KIF1A: variants seen among roughly 807,000 people sequenced by gnomAD.
KIF1A encodes the protein kinesin-like protein KIF1A.
Under a neutral mutation model 227.3 loss-of-function variants are expected in KIF1A, and 46 were observed. The ratio of observed to expected loss-of-function variants is 0.20; its 90% CI spans 0.16 to 0.26. KIF1A has a LOEUF of 0.26. Among genes scored for constraint, KIF1A ranks in the 10% least tolerant of loss-of-function variants. The pLI is 1.00. For missense variants in KIF1A, 1,683 were observed against 2,485.9 expected, an observed-to-expected ratio of 0.68 and a Z score of 6.87; for synonymous variants, 1,022 against 1,012.8, an observed-to-expected ratio of 1.01 and a Z score of -0.17.
chr2:240,779,348 ACT>A lies in KIF1A; in HGVS notation c.882+3240_882+3241del, dbSNP rs1450757260. 1.4e-5 allele frequency among the ~76,000 whole-genome samples: 2 copies of A among 140,092 alleles called. 1 individual carries two copies. The highest frequency in any genetic ancestry group is 6.0e-5 in the African/African-American group (2 of 33,062). 91.9% of individuals were successfully genotyped at this position (140,092 alleles called of 152,430 possible). ...CTCACTCAGTTCCTCATAGTTCCAC[ACT>A]CAGTTCCTCACTCAGTTCCTCACTC... On this transcript the variant is annotated intron_variant, in intron 10 of 48. Coordinates refer to ENST00000498729, the MANE Select transcript of KIF1A (RefSeq NM_001244008.2).
At chr2:240,719,227 G>A (rs1200536948) in intron 46 of KIF1A, 29 bp from the exon 47 acceptor site, 4 of 1,580,758 alleles carry the variant, frequency 2.5e-6, no homozygotes, top group Non-Finnish European at 3.4e-6. Context: ...GCTCGCTGGG[G>A]CCCTCGGTGG....
intron 38 of KIF1A, among the ~76,000 whole-genome samples, chr2:240,735,742 C>T (rs527471526): frequency 2.4e-4 from 37 of 152,320 alleles, no homozygotes; most frequent in Admixed American, 2.0e-3. Flanking sequence ...ATTCTCATGG[C>T]GGCAGGAGAA....
chr2:240,726,893 G>C lies in KIF1A; in HGVS notation c.4055C>G (p.Ser1352Cys), dbSNP rs1559480382. 1 of 1,612,698 alleles carries C rather than the reference G, an allele frequency of 6.2e-7. No individual in the cohort carries two copies. The change falls in exon 39 of 49, where the codon TCT becomes TGT. Residue 1352 changes from serine (S) to cysteine (C), a missense_variant. Physicochemically the swap from Ser to Cys is moderately radical, Grantham distance 112. Around this residue, in one of 12 missense-constraint regions of KIF1A, gnomAD observed 759 missense variants for 1,020.2 expected, o/e 0.74. Transcript: ENST00000498729. The surrounding 1 kb of genome is among the most constrained non-coding windows in gnomAD (Gnocchi z 5.2). ...AGGGGTGACCCGGTTCAGCAGGAGAGAGTTGTGCATGGAGCTGTCCCACGC... is the reference window on the plus strand; with the variant it reads ...AGGGGTGACCCGGTTCAGCAGGAGACAGTTGTGCATGGAGCTGTCCCACGC... ...EAAWDSSMHN[S>C]LLLNRVTPYR...
At chr2:240,785,798 C>T (rs994988165) in intron 6 of KIF1A, among the ~76,000 whole-genome samples, 2 of 152,194 alleles carry the variant, frequency 1.3e-5, no homozygotes, top group African/African-American at 4.8e-5. Context: ...TGACTCACGA[C>T]CTCAGGAGCT....
At chr2:240,776,694 T>C (rs1384190284) in intron 10 of KIF1A, among the ~76,000 whole-genome samples, 3 of 152,252 alleles carry the variant, frequency 2.0e-5, no homozygotes, top group Non-Finnish European at 4.4e-5. Flanking sequence ...CATTGGCTTA[T>C]GAAGCATTTC....
chr2:240,797,092 C>T (rs901007110), intron 2 of KIF1A, among the ~76,000 whole-genome samples: 1 of 152,214 alleles, frequency 6.6e-6, no homozygotes, highest in Admixed American at 6.5e-5. Flanking sequence ...GGCCCCAGCA[C>T]AAACTGCCCC....
Position 240,747,353 on chromosome 2 carries a change from C to T in KIF1A, c.2978-32G>A, listed in dbSNP as rs375815477. The T allele has an allele frequency of 5.1e-6, 8 of 1,580,926 alleles. No homozygotes were observed. In the Admixed American group the frequency reaches 1.3e-4, roughly 27 times the overall value. On this transcript the variant is annotated intron_variant, in intron 28 of 48. Coordinates refer to ENST00000498729, the MANE Select transcript of KIF1A (RefSeq NM_001244008.2). ...GAGAAACAGAGCAAATGGTTGGAGC[C>T]CAGCTTGTCCCCTGAGGTGGGTGTG...
intron 29 of KIF1A, 33 bp downstream of exon 29, chr2:240,747,203 T>C (rs2048705673): frequency 6.4e-7 from 1 of 1,562,224 alleles, no homozygotes; most frequent in Non-Finnish European, 8.8e-7. Flanking sequence ...GCCAGGCACC[T>C]CCAGGTCTGG....
intron 34 of KIF1A, among the ~76,000 whole-genome samples, chr2:240,742,532 A>G (rs1451986326): frequency 6.6e-6 from 1 of 152,018 alleles, no homozygotes; most frequent in East Asian, 1.9e-4. Context: ...GCTCTGACAA[A>G]TACTTCTCCC....
rs1167417315 is a variant in KIF1A at position 240,745,884 on chromosome 2, TAGG to T, written c.3225_3227del (p.Leu1076del). 19 of 1,608,080 alleles carry T rather than the reference TAGG, an allele frequency of 1.2e-5. No homozygotes were observed. Among genetic ancestry groups the T allele is most frequent in the Non-Finnish European group, 1.6e-5 (19 of 1,176,452 alleles). Reference sequence around the variant, plus strand: ...CCAGGGCGGCTTTCTCAGAGCTGTCTAGGAGGAGGCCTTCTGGGGGCACTGCTG... The same window carrying T: ...CCAGGGCGGCTTTCTCAGAGCTGTCTAGGAGGCCTTCTGGGGGCACTGCTG... On this transcript the variant is annotated inframe_deletion, in exon 31 of 49. Transcript: ENST00000498729.
At chr2:240,782,033 C>G (rs966983706) in intron 10 of KIF1A, 66 of 985,298 alleles carry the variant, frequency 6.7e-5, no homozygotes, top group Non-Finnish European at 7.7e-5. Context: ...CACGCATTCC[C>G]ACGCTGGCTC....
At chr2:240,813,544 T>C (rs753999117) in intron 1 of KIF1A, among the ~76,000 whole-genome samples, 1 of 152,168 alleles carries the variant, frequency 6.6e-6, no homozygotes, top group African/African-American at 2.4e-5. Context: ...GCTTTCTCCA[T>C]AGCAGGAGTG....
chr2:240,735,322 G>A (rs1442859417), intron 38 of KIF1A, among the ~76,000 whole-genome samples: 1 of 152,214 alleles, frequency 6.6e-6, no homozygotes, highest in Non-Finnish European at 1.5e-5. Context: ...CAGGGTGTGG[G>A]GCCAAAGCCC....
At position 240,771,545 on chromosome 2, in the gene KIF1A, C is replaced by T. The variant is rs189959927; in HGVS notation, c.1208-441G>A. Among the ~76,000 whole-genome samples the T allele has an allele frequency of 4.3e-4, 65 of 152,292 alleles. No homozygotes were observed. The East Asian group carries it at 9.3e-3, about 22-fold the overall frequency. On this transcript the variant is annotated intron_variant, in intron 14 of 48. Transcript: ENST00000498729. ...GCCAGGCCACCCTACAGCCCCCACA[C>T]CTGAGGGCTGGGAGCCAGTCCTCCC...
intron 1 of KIF1A, among the ~76,000 whole-genome samples, chr2:240,807,016 T>C (rs2057452343): frequency 6.6e-6 from 1 of 151,832 alleles, no homozygotes; most frequent in Non-Finnish European, 1.5e-5. Flanking sequence ...AATCCACAGA[T>C]GCTCAAGTCC....
At chr2:240,769,543 G>A in intron 16 of KIF1A, 84 bp downstream of exon 16, 1 of 1,151,822 alleles carries the variant, frequency 8.7e-7, no homozygotes, top group Non-Finnish European at 1.3e-6. Context: ...GCACTGGAGG[G>A]CAGGGCTCAG....
Position 240,736,296 on chromosome 2 carries a change from G to A in KIF1A, c.4007+767C>T, listed in dbSNP as rs376508850. Among the ~76,000 whole-genome samples, 9 of 152,154 alleles carry A rather than the reference G, an allele frequency of 5.9e-5. No homozygotes were observed. In the South Asian group the frequency reaches 8.3e-4, roughly 14 times the overall value. ...GGGCTTGTGCATCATGAGCCAGGTC[G>A]AGCCCCCAGGGAGCAGCCAGGACTG... On this transcript the variant is annotated intron_variant, in intron 38 of 48. Transcript: ENST00000498729. This position sits in a 1 kb window ranked among gnomAD's most constrained non-coding sequence, Gnocchi z 4.7.
At chr2:240,742,392 C>G (rs532729196) in intron 34 of KIF1A, among the ~76,000 whole-genome samples, 24 of 152,180 alleles carry the variant, frequency 1.6e-4, no homozygotes, top group Non-Finnish European at 3.1e-4. Flanking sequence ...AGCTCTCCCC[C>G]GACCATGTCC....
chr2:240,780,296 C>T (rs2053478138), intron 10 of KIF1A, among the ~76,000 whole-genome samples: 1 of 152,040 alleles, frequency 6.6e-6, no homozygotes, highest in Non-Finnish European at 1.5e-5. Context: ...CCCCACACCC[C>T]TCCACACACT....
Sources: gnomAD v4.1 joint callset for allele counts (sites outside exome capture counted in the v4.1 genomes callset) on GRCh38, gnomAD v4.1.1 for gene constraint, gnomAD v4.1.1 regional missense constraint, Gnocchi (gnomAD v3.1) non-coding constraint, MANE v1.5 for transcripts, NCBI Gene and HGNC (gene_info 2026-07-23, HGNC 2026-07-21) for gene names.